TXLNB: variants seen among roughly 807,000 people sequenced by gnomAD.
TXLNB encodes the protein beta-taxilin.
A neutral mutation model predicts 57.4 loss-of-function variants in TXLNB; 37 were observed. The ratio of observed to expected loss-of-function variants is 0.64; its 90% CI spans 0.50 to 0.85. The LOEUF (loss-of-function observed/expected upper bound fraction) is 0.85. Ranked by LOEUF, TXLNB falls within the 40% of genes least tolerant of loss-of-function variation. The pLI is 0.00. For synonymous variants in TXLNB, 302 were observed against 309.6 expected (o/e 0.98, Z 0.26); for missense variants, 848 against 825.6 (o/e 1.03, Z -0.33).
At chr6:139,204,114 G>A in the TXLNB span, among the ~76,000 whole-genome samples, 21 of 151,688 alleles carry the variant, frequency 1.4e-4, no homozygotes, top group East Asian at 2.3e-3. Flanking sequence ...GCAGTGGCAC[G>A]ATCTCAGCTC....
the TXLNB span, among the ~76,000 whole-genome samples, chr6:139,214,730 AT>A: frequency 6.6e-6 from 1 of 152,156 alleles, no homozygotes; most frequent in Non-Finnish European, 1.5e-5. Context: ...CTAGAACCCC[AT>A]CATCTCAGCC....
At chr6:139,253,563 C>T (rs78346145) in intron 7 of TXLNB, among the ~76,000 whole-genome samples, 13,091 of 151,876 alleles carry the variant, frequency 0.086, 614 homozygotes, top group Middle Eastern at 0.11. Flanking sequence ...CACAGCTTCT[C>T]GGTAAAAGAG....
At chr6:139,254,073 C>T (rs948437880) in intron 7 of TXLNB, among the ~76,000 whole-genome samples, 2 of 152,278 alleles carry the variant, frequency 1.3e-5, no homozygotes, top group African/African-American at 4.8e-5. Context: ...GGGCCCTTTG[C>T]TTCAGACACA....
downstream of TXLNB, chr6:139,239,314 G>C (rs892851216): frequency 6.6e-6 from 1 of 152,182 alleles, no homozygotes; most frequent in African/African-American, 2.4e-5. This position sits in a 1 kb window ranked among gnomAD's most constrained non-coding sequence, Gnocchi z 4.7. Context: ...CCTCCAGGAG[G>C]ACGCACGGCA....
At chr6:139,212,269 CA>C in the TXLNB span, among the ~76,000 whole-genome samples, 1 of 152,210 alleles carries the variant, frequency 6.6e-6, no homozygotes, top group African/African-American at 2.4e-5. Context: ...ATCAGACTAA[CA>C]GCTGATCTCT....
At chr6:139,269,283 A>T (rs1024879538) in intron 4 of TXLNB, 1 of 152,244 alleles carries the variant, frequency 6.6e-6, no homozygotes, top group South Asian at 2.1e-4. Flanking sequence ...TTGATAAATG[A>T]TCCCACCCTA....
chr6:139,243,382 T>C, intron 9 of TXLNB, 68 bp from the exon 10 acceptor site: 1 of 1,465,228 alleles, frequency 6.8e-7, no homozygotes, highest in African/African-American at 1.4e-5. Flanking sequence ...ATGTCCAGGA[T>C]GCTTTCTGGA....
chr6:139,310,961 C>T, the TXLNB span, among the ~76,000 whole-genome samples: 2 of 152,272 alleles, frequency 1.3e-5, no homozygotes, highest in African/African-American at 2.4e-5. Flanking sequence ...TCCCAAAATG[C>T]TGGGATTACA....
the TXLNB span, among the ~76,000 whole-genome samples, chr6:139,298,260 CTT>C: frequency 3.9e-5 from 6 of 152,228 alleles, no homozygotes; most frequent in Non-Finnish European, 7.3e-5. Context: ...AGCCCCACCT[CTT>C]AAGTAGCCTT....
chr6:139,264,970 C>G (rs907054010), intron 4 of TXLNB, among the ~76,000 whole-genome samples: 4 of 152,138 alleles, frequency 2.6e-5, no homozygotes, highest in African/African-American at 9.7e-5. Context: ...ATAAAATTAT[C>G]TTTTCTTTAT....
upstream of TXLNB, among the ~76,000 whole-genome samples, chr6:139,294,117 C>T (rs6570328): frequency 0.4 from 60,313 of 151,962 alleles, 14,798 homozygotes; most frequent in African/African-American, 0.7. Context: ...ACAGTAGTTA[C>T]ATAAATTTTA....
chr6:139,166,383 C>G, the TXLNB span: 6 of 1,614,192 alleles, frequency 3.7e-6, 1 homozygote, highest in South Asian at 5.5e-5. Context: ...GAGCACTGCC[C>G]CTGCAGCACC....
At chr6:139,255,853 G>A (rs866525510) in intron 6 of TXLNB, among the ~76,000 whole-genome samples, 2 of 151,836 alleles carry the variant, frequency 1.3e-5, no homozygotes, top group Middle Eastern at 3.2e-3. Flanking sequence ...GAGCTGGGAG[G>A]ATTGCTGGAA....
At chr6:139,181,617 G>A in the TXLNB span, among the ~76,000 whole-genome samples, 1 of 152,136 alleles carries the variant, frequency 6.6e-6, no homozygotes, top group African/African-American at 2.4e-5. Flanking sequence ...ACTAGTCATT[G>A]TTAATCTCTT....
chr6:139,184,408 G>C, the TXLNB span, among the ~76,000 whole-genome samples: 24 of 152,344 alleles, frequency 1.6e-4, no homozygotes, highest in African/African-American at 5.3e-4. Flanking sequence ...CTCTGCATAG[G>C]AGTGATGAGC....
At chr6:139,304,262 A>C in the TXLNB span, among the ~76,000 whole-genome samples, 3,418 of 152,310 alleles carry the variant, frequency 0.022, 133 homozygotes, top group African/African-American at 0.078. Context: ...AATGCTATAA[A>C]TATATCAGTT....
intron 8 of TXLNB, among the ~76,000 whole-genome samples, chr6:139,245,264 G>T (rs1776042115): frequency 6.6e-6 from 1 of 152,186 alleles, no homozygotes; most frequent in South Asian, 2.1e-4. Flanking sequence ...TATAAATGGG[G>T]AAACCGAAGT....
intron 5 of TXLNB, 79 bp downstream of exon 5, chr6:139,262,500 T>G: frequency 7.7e-7 from 1 of 1,300,178 alleles, no homozygotes; most frequent in Non-Finnish European, 1.1e-6. Context: ...GCTGTAACTG[T>G]CTTATTAACC....
the TXLNB span, among the ~76,000 whole-genome samples, chr6:139,225,162 G>T: frequency 6.6e-6 from 1 of 152,090 alleles, no homozygotes; most frequent in Non-Finnish European, 1.5e-5. Flanking sequence ...AGCAAACTAG[G>T]AATAAAAGTG....
Sources: gnomAD v4.1 joint callset for allele counts (sites outside exome capture counted in the v4.1 genomes callset) on GRCh38, gnomAD v4.1.1 for gene constraint, Gnocchi (gnomAD v3.1) non-coding constraint, MANE v1.5 for transcripts, NCBI Gene and HGNC (gene_info 2026-07-23, HGNC 2026-07-21) for gene names.